The following ASXL3 variants were observed in gnomAD, a reference collection of about 807,000 sequenced individuals.
ASXL3 encodes ASXL transcriptional regulator 3, also known as putative Polycomb group protein ASXL3.
A neutral mutation model predicts 170.6 loss-of-function variants in ASXL3; 34 were observed. The ratio of observed to expected loss-of-function variants is 0.20; its 90% confidence interval spans 0.15 to 0.27. The LOEUF is 0.27. ASXL3 is among the 10% of genes least tolerant of loss of function. The pLI is 1.00. For missense variants in ASXL3, 2,592 were observed against 2,695.3 expected (o/e 0.96, Z 0.85); for synonymous variants, 1,002 against 989.1 (o/e 1.01, Z -0.24).
At chr18:33,718,286 C>T (rs1289698833) in intron 8 of ASXL3, among the ~76,000 whole-genome samples, 2 of 152,096 alleles carry the variant, frequency 1.3e-5, no homozygotes, top group African/African-American at 2.4e-5. Flanking sequence ...ATATCCCATA[C>T]ACTCAAACAT....
intron 8 of ASXL3, among the ~76,000 whole-genome samples, chr18:33,713,214 A>G (rs2067098715): frequency 1.4e-5 from 2 of 143,730 alleles, no homozygotes; most frequent in South Asian, 2.2e-4. Flanking sequence ...GCAGTTAGCA[A>G]TCTACCACAA....
intron 6 of ASXL3, among the ~76,000 whole-genome samples, chr18:33,671,468 T>G (rs1314023126): frequency 8.5e-5 from 13 of 152,234 alleles, no homozygotes; most frequent in Admixed American, 8.5e-4. Context: ...TATTCGTGTA[T>G]TTTACAAAAG....
intron 8 of ASXL3, among the ~76,000 whole-genome samples, chr18:33,714,569 AG>A (rs1260268067): frequency 6.6e-6 from 1 of 152,196 alleles, no homozygotes; most frequent in Non-Finnish European, 1.5e-5. Flanking sequence ...ACTCTAAAAC[AG>A]GCCACGGGTA....
chr18:33,670,299 C>T (rs764666277), intron 5 of ASXL3, among the ~76,000 whole-genome samples: 1 of 152,238 alleles, frequency 6.6e-6, no homozygotes, highest in Non-Finnish European at 1.5e-5. Flanking sequence ...GAGAGAAGTG[C>T]AGACACATAT....
Position 33,646,438 on chromosome 18 carries a change from A to C in ASXL3, c.355+85A>C, listed in dbSNP as rs1441841137. ...CAATGATTCATTAATTGAATTTCCC[A>C]CCATTATCAATACAGTTTTCTTCTA... On this transcript the variant is annotated intron_variant, in intron 4 of 11. Coordinates refer to ENST00000269197, the MANE Select transcript of ASXL3 (RefSeq NM_030632.3). The C allele has an allele frequency of 5.2e-6, 5 of 958,190 alleles. No homozygotes were observed. In the African/African-American group the frequency reaches 8.4e-5, roughly 16 times the overall value. The allele number at this position is 958,190 out of a possible 1,614,324, so 59.4% of individuals were successfully genotyped here.
intron 2 of ASXL3, among the ~76,000 whole-genome samples, chr18:33,615,596 A>C (rs2065410131): frequency 1.3e-5 from 2 of 152,186 alleles, no homozygotes; most frequent in Admixed American, 6.6e-5. Flanking sequence ...ATTTGTAAAA[A>C]ATGCAATATC....
chr18:33,685,566 A>C (rs2066580623), intron 8 of ASXL3, among the ~76,000 whole-genome samples: 1 of 152,240 alleles, frequency 6.6e-6, no homozygotes, highest in African/African-American at 2.4e-5. Flanking sequence ...TGGCATCTAC[A>C]ACTGCATTAG....
At chr18:33,633,935 A>G (rs1193819656) in intron 2 of ASXL3, among the ~76,000 whole-genome samples, 1 of 152,138 alleles carries the variant, frequency 6.6e-6, no homozygotes, top group Non-Finnish European at 1.5e-5. Flanking sequence ...AAGAGCAAAA[A>G]ATGTTTTCAT....
Position 33,743,745 on chromosome 18 carries a change from T to C in ASXL3, c.3897T>C (p.Cys1299=). Residue 1299 remains cysteine (C), a synonymous_variant, in exon 12 of 12, where the codon TGT becomes TGC. Coordinates refer to ENST00000269197, the MANE Select transcript of ASXL3 (RefSeq NM_030632.3). ...CATGCATAGCCATTATACCAAAATG[T>C]ATTGAAAGCACTCCCATTTCAGCCA... ...DTPCIAIIPK[C]IESTPISATT... The C allele has an allele frequency of 6.2e-7, 1 of 1,613,944 alleles. No homozygotes were observed. The highest frequency in any genetic ancestry group is 1.7e-5 in the Admixed American group (1 of 60,032).
intron 8 of ASXL3, among the ~76,000 whole-genome samples, chr18:33,712,531 CT>C (rs2067085496): frequency 6.6e-6 from 1 of 152,170 alleles, no homozygotes; most frequent in Admixed American, 6.6e-5. Flanking sequence ...ACAATACTAG[CT>C]GACGAGTGTT....
At chr18:33,707,739 G>A (rs952350344) in intron 8 of ASXL3, among the ~76,000 whole-genome samples, 20 of 151,850 alleles carry the variant, frequency 1.3e-4, no homozygotes, top group African/African-American at 4.6e-4. Flanking sequence ...TCTATATCTT[G>A]TTTTTAAACT....
At chr18:33,624,015 A>G (rs1173636555) in intron 2 of ASXL3, among the ~76,000 whole-genome samples, 4 of 152,092 alleles carry the variant, frequency 2.6e-5, no homozygotes, top group Non-Finnish European at 4.4e-5. Context: ...AAAACCAGCC[A>G]GGTGTGATTG....
At position 33,743,705 on chromosome 18, in the gene ASXL3, A is replaced by G. The variant is rs1285429245; in HGVS notation, c.3857A>G (p.Gln1286Arg). The G allele has an allele frequency of 1.9e-6, 3 of 1,613,920 alleles. No homozygotes were observed. The highest frequency in any genetic ancestry group is 2.5e-6 in the Non-Finnish European group (3 of 1,179,900). The change falls in exon 12 of 12, where the codon CAG becomes CGG. Residue 1286 changes from glutamine (Q) to arginine (R), a missense_variant. Transcript: ENST00000269197. The part of the protein sequence containing the change: ...ACNISMLKTI[Q>R]GTDTPCIAII... Reference sequence around the variant, plus strand: ...AATATAAGCATGTTAAAAACCATCCAGGGAACTGACACTCCATGCATAGCC... The same window carrying G: ...AATATAAGCATGTTAAAAACCATCCGGGGAACTGACACTCCATGCATAGCC...
intron 10 of ASXL3, among the ~76,000 whole-genome samples, chr18:33,735,402 C>A (rs967071291): frequency 6.6e-6 from 1 of 152,106 alleles, no homozygotes; most frequent in Admixed American, 6.5e-5. Context: ...AGTAGGAAGG[C>A]CTGTTTTTAA....
chr18:33,725,069 A>G (rs757905494), intron 8 of ASXL3, among the ~76,000 whole-genome samples: 3 of 152,236 alleles, frequency 2.0e-5, no homozygotes, highest in Non-Finnish European at 4.4e-5. Context: ...AAGAGAGTCA[A>G]TACTCTGGCT....
chr18:33,607,537 A>AT, intron 1 of ASXL3, 57 bp from the exon 2 acceptor site: 1 of 1,361,522 alleles, frequency 7.3e-7, no homozygotes, highest in Non-Finnish European at 1.0e-6. Context: ...ATTCACATAC[A>AT]TTTTCATTTT....
chr18:33,610,286 A>C (rs2065314152), intron 2 of ASXL3, among the ~76,000 whole-genome samples: 1 of 152,052 alleles, frequency 6.6e-6, no homozygotes, highest in African/African-American at 2.4e-5. Context: ...TTTACTAATG[A>C]TGTGTTTTAA....
rs761622426 is a variant in ASXL3 at position 33,607,632 on chromosome 18, G to A, written c.93G>A (p.Lys31=). 6.3e-7 allele frequency: 1 copy of A among 1,590,558 alleles called. No homozygotes were observed. The highest frequency in any genetic ancestry group is 1.8e-5 in the Admixed American group (1 of 57,094). Residue 31 remains lysine, a synonymous_variant, in exon 2 of 12, where the codon AAG becomes AAA. Transcript: ENST00000269197. ...EKHPNSPMTA[K]QILEVIQKEG... ...ACCCCAACTCACCAATGACAGCAAA[G>A]CAGATATTGGAAGTCATTCAGAAAG...
rs75870068 is a variant in ASXL3 at position 33,683,953 on chromosome 18, A to G, written c.879+385A>G. Among the ~76,000 whole-genome samples, 753 of 152,314 alleles carry G rather than the reference A, an allele frequency of 4.9e-3. 9 individuals carry two copies. The highest frequency in any genetic ancestry group is 0.017 in the African/African-American group (717 of 41,580). On this transcript the variant is annotated intron_variant, in intron 8 of 11. Transcript: ENST00000269197. ...AAATTATGTAAATGTTTTCATCCTCAACTATTTCCAAAAGGCATTTAAAAT... is the reference window on the plus strand; with the variant it reads ...AAATTATGTAAATGTTTTCATCCTCGACTATTTCCAAAAGGCATTTAAAAT...
Sources: allele counts gnomAD v4.1 joint callset (sites outside exome capture counted in the v4.1 genomes callset), GRCh38; gene constraint gnomAD v4.1.1; transcripts MANE v1.5; gene names NCBI Gene and HGNC (gene_info 2026-07-23, HGNC 2026-07-21).